Variants in TAF4B observed in about 807,000 individuals in gnomAD.
TAF4B encodes transcription initiation factor TFIID subunit 4B.
A neutral mutation model predicts 86.4 loss-of-function variants in TAF4B; 38 were observed. The ratio of observed to expected loss-of-function variants is 0.44; its 90% CI spans 0.34 to 0.58. The LOEUF (loss-of-function observed/expected upper bound fraction) is 0.58, where lower values mean the gene tolerates loss of function less well. Among genes scored for constraint, TAF4B ranks in the 20% least tolerant of loss-of-function variants. The probability of loss-of-function intolerance (pLI) is 0.02; values close to 1 mark genes in which losing one functional copy is unlikely to be tolerated. For synonymous variants in TAF4B, 388 were observed against 391.2 expected, an observed-to-expected ratio of 0.99 and a Z score of 0.10; for missense variants, 988 against 1,027.6, an observed-to-expected ratio of 0.96 and a Z score of 0.53.
intron 3 of TAF4B, among the ~76,000 whole-genome samples, chr18:26,274,306 TA>T (rs1202730474): frequency 6.6e-6 from 1 of 152,202 alleles, no homozygotes; most frequent in Non-Finnish European, 1.5e-5. Flanking sequence ...CTTGGAGTAT[TA>T]ATAATATTTT....
chr18:26,352,604 A>C (rs995376797), intron 13 of TAF4B, among the ~76,000 whole-genome samples: 5 of 152,138 alleles, frequency 3.3e-5, no homozygotes, highest in Admixed American at 1.3e-4. Flanking sequence ...ATCTCAGCTC[A>C]CTGCAACCTC....
chr18:26,380,832 A>AG (rs1183173305), intron 14 of TAF4B, among the ~76,000 whole-genome samples: 40 of 151,284 alleles, frequency 2.6e-4, no homozygotes, highest in African/African-American at 9.5e-4. Context: ...ATTCACTTGG[A>AG]GTGTTTGGTT....
rs189157779 is a variant in TAF4B, at chr18:26,312,791, G to A, written c.1833-2438G>A. The stretch of plus-strand genomic sequence containing the variant: ...GTGTAAAGGTCATGTGGAGTTACCC[G>A]CACGTTAAAACTCCAGTTTTACTTT... On this transcript the variant is annotated intron_variant, in intron 9 of 14. Transcript: ENST00000269142. Among the ~76,000 whole-genome samples, 646 of 152,156 alleles carry A rather than the reference G, an allele frequency of 4.2e-3. 6 individuals are homozygous for A. Among genetic ancestry groups the A allele is most frequent in the South Asian group, 8.9e-3 (43 of 4,816 alleles).
chr18:26,240,591 G>A (rs9695454), intron 1 of TAF4B, among the ~76,000 whole-genome samples: 2,202 of 152,234 alleles, frequency 0.014, 41 homozygotes, highest in African/African-American at 0.051. Flanking sequence ...TCTCCTGCCT[G>A]ATTGCCCTGG....
intron 14 of TAF4B, 103 bp downstream of exon 14, chr18:26,357,897 G>A (rs1177797212): frequency 1.2e-5 from 8 of 693,474 alleles, no homozygotes; most frequent in Admixed American, 3.6e-5. Context: ...CGCTGTTGCT[G>A]CCAGACACTT....
At chr18:26,288,765 A>G (rs1394676617) in intron 7 of TAF4B, among the ~76,000 whole-genome samples, 2 of 152,234 alleles carry the variant, frequency 1.3e-5, no homozygotes, top group African/African-American at 4.8e-5. Flanking sequence ...GTCCTGAAGC[A>G]GGAAGCTGTC....
chr18:26,312,400 A>G (rs1422873914), intron 9 of TAF4B, among the ~76,000 whole-genome samples: 1 of 152,042 alleles, frequency 6.6e-6, no homozygotes, highest in African/African-American at 2.4e-5. Flanking sequence ...GTCCTCCTCT[A>G]CGCCTGCCAC....
intron 14 of TAF4B, among the ~76,000 whole-genome samples, chr18:26,378,567 T>A (rs1164990254): frequency 6.6e-6 from 1 of 152,178 alleles, no homozygotes; most frequent in Non-Finnish European, 1.5e-5. Flanking sequence ...AGTTAAAAAT[T>A]GAAATTAACT....
At chr18:26,359,857 C>G (rs1161775807) in intron 14 of TAF4B, among the ~76,000 whole-genome samples, 1 of 151,240 alleles carries the variant, frequency 6.6e-6, no homozygotes, top group East Asian at 2.0e-4. Context: ...AGCTGAGCTA[C>G]AGGCACACAC....
intron 14 of TAF4B, among the ~76,000 whole-genome samples, chr18:26,375,119 G>T (rs756784617): frequency 1.1e-4 from 17 of 152,094 alleles, no homozygotes; most frequent in Non-Finnish European, 2.1e-4. Context: ...CTATTTTTCA[G>T]TCTGTAAGGA....
intron 1 of TAF4B, among the ~76,000 whole-genome samples, chr18:26,228,991 G>A (rs2055621514): frequency 6.6e-6 from 1 of 151,842 alleles, no homozygotes; most frequent in East Asian, 1.9e-4. Context: ...CATAGGTGTC[G>A]GGGGAGTTTT....
chr18:26,298,128 A>G (rs2056687606), intron 9 of TAF4B, among the ~76,000 whole-genome samples: 1 of 147,814 alleles, frequency 6.8e-6, no homozygotes, highest in Non-Finnish European at 1.5e-5. Flanking sequence ...GTGACTAATG[A>G]TGTTGAGTGC....
intron 1 of TAF4B, among the ~76,000 whole-genome samples, chr18:26,262,182 C>T (rs969072964): frequency 6.7e-6 from 1 of 149,782 alleles, no homozygotes; most frequent in Non-Finnish European, 1.5e-5. Flanking sequence ...CAAGTTTATC[C>T]TCTTCAATAT....
At chr18:26,284,017 C>T (rs1215553679) in intron 6 of TAF4B, among the ~76,000 whole-genome samples, 1 of 151,092 alleles carries the variant, frequency 6.6e-6, no homozygotes, top group East Asian at 1.9e-4. Context: ...TCGTGCATTG[C>T]ACTGTAGCCT....
chr18:26,284,264 T>C (rs185183580), intron 6 of TAF4B, among the ~76,000 whole-genome samples: 4 of 152,344 alleles, frequency 2.6e-5, no homozygotes, highest in Admixed American at 1.3e-4. Context: ...AGTGCTATAC[T>C]CTGGTTTAGA....
chr18:26,304,635 C>A (rs953934408), intron 9 of TAF4B: 25 of 772,228 alleles, frequency 3.2e-5, no homozygotes, highest in Non-Finnish European at 3.9e-5. Flanking sequence ...GGGAACTTGA[C>A]TTACCCAGGA....
intron 12 of TAF4B, among the ~76,000 whole-genome samples, chr18:26,333,287 C>T (rs1486228904): frequency 6.7e-6 from 1 of 148,802 alleles, no homozygotes; most frequent in Non-Finnish European, 1.5e-5. Flanking sequence ...GTGGCCCCAT[C>T]TCAGCTCACT....
At chr18:26,229,994 CAT>C (rs1555669590) in intron 1 of TAF4B, among the ~76,000 whole-genome samples, 12 of 151,692 alleles carry the variant, frequency 7.9e-5, no homozygotes, top group African/African-American at 2.7e-4. Context: ...CACACACACA[CAT>C]ATACATATAT....
At chr18:26,272,185 A>G (rs906252160) in intron 3 of TAF4B, among the ~76,000 whole-genome samples, 3 of 152,008 alleles carry the variant, frequency 2.0e-5, no homozygotes, top group African/African-American at 7.2e-5. Context: ...CTTTCCCCTA[A>G]TCTTCCGGTT....
Sources: allele counts gnomAD v4.1 joint callset (sites outside exome capture counted in the v4.1 genomes callset), GRCh38; gene constraint gnomAD v4.1.1; transcripts MANE v1.5; gene names NCBI Gene and HGNC (gene_info 2026-07-23, HGNC 2026-07-21).